The following FAM227A variants were observed in gnomAD, a reference collection of about 807,000 sequenced individuals.
The protein encoded by FAM227A is protein FAM227A.
FAM227A carries 80 observed loss-of-function variants against 74.7 expected under a neutral mutation model. That is an observed-to-expected ratio of 1.07 (90% CI 0.89 to 1.29). FAM227A has a LOEUF of 1.29. FAM227A is among the 50% of genes most tolerant of loss of function. The probability of loss-of-function intolerance (pLI) is 0.00; values close to 1 mark genes in which losing one functional copy is unlikely to be tolerated. For missense variants in FAM227A, 654 were observed against 683.4 expected, an observed-to-expected ratio of 0.96 and a Z score of 0.48; for synonymous variants, 237 against 241.8, an observed-to-expected ratio of 0.98 and a Z score of 0.19.
intron 10 of FAM227A, among the ~76,000 whole-genome samples, chr22:38,621,497 C>T (rs1470748950): frequency 2.0e-5 from 3 of 150,192 alleles, no homozygotes; most frequent in Admixed American, 1.3e-4. Flanking sequence ...GTGTCTATGT[C>T]GGGAGGCTGA....
chr22:38,612,045 G>T (rs894978393), intron 11 of FAM227A, among the ~76,000 whole-genome samples: 1 of 152,038 alleles, frequency 6.6e-6, no homozygotes, highest in South Asian at 2.1e-4. Flanking sequence ...CAACCCACTA[G>T]CAAGTGTTGA....
At chr22:38,589,089 T>A (rs1204242532) in intron 16 of FAM227A, among the ~76,000 whole-genome samples, 1 of 152,062 alleles carries the variant, frequency 6.6e-6, no homozygotes, top group East Asian at 1.9e-4. Context: ...AATGAAGACA[T>A]TAGGGTGGGC....
chr22:38,631,619 T>C (rs2091916880), intron 6 of FAM227A, among the ~76,000 whole-genome samples: 1 of 152,042 alleles, frequency 6.6e-6, no homozygotes, highest in Non-Finnish European at 1.5e-5. Context: ...GTGCAGAGGC[T>C]ATGGAAGCAC....
chr22:38,636,021 G>A (rs1292220741), intron 6 of FAM227A, among the ~76,000 whole-genome samples: 3 of 137,532 alleles, frequency 2.2e-5, no homozygotes, highest in Non-Finnish European at 3.2e-5. Flanking sequence ...AAGAAGGAAA[G>A]AAAGAAGAGA....
chr22:38,649,166 T>C (rs892712989), intron 2 of FAM227A, among the ~76,000 whole-genome samples: 2 of 152,212 alleles, frequency 1.3e-5, no homozygotes, highest in Non-Finnish European at 2.9e-5. Context: ...CCAGAGCTTC[T>C]TCCTTTGGGG....
chr22:38,602,875 T>C (rs2091205916), intron 13 of FAM227A, among the ~76,000 whole-genome samples: 1 of 152,022 alleles, frequency 6.6e-6, no homozygotes. Flanking sequence ...CTTTTTGTTG[T>C]TGTTGTTGTT....
chr22:38,630,519 C>T (rs2091896299), intron 6 of FAM227A, among the ~76,000 whole-genome samples: 1 of 152,176 alleles, frequency 6.6e-6, no homozygotes, highest in Non-Finnish European at 1.5e-5. Flanking sequence ...TGGTCATGGT[C>T]CCCGCCTCAA....
chr22:38,640,392 C>T (rs1295441601), intron 3 of FAM227A, among the ~76,000 whole-genome samples: 1 of 152,030 alleles, frequency 6.6e-6, no homozygotes, highest in African/African-American at 2.4e-5. Context: ...AAAACACTGG[C>T]AAAGAGGCTA....
intron 3 of FAM227A, among the ~76,000 whole-genome samples, chr22:38,643,779 A>G (rs1159174344): frequency 6.6e-6 from 1 of 152,190 alleles, no homozygotes; most frequent in Non-Finnish European, 1.5e-5. Context: ...CAAATAAACC[A>G]TGGTACGTTC....
intron 6 of FAM227A, among the ~76,000 whole-genome samples, chr22:38,632,617 C>T (rs2091935702): frequency 6.6e-6 from 1 of 152,096 alleles, no homozygotes; most frequent in South Asian, 2.1e-4. Context: ...GGTCCACCTG[C>T]CCCCTAGGGT....
chr22:38,598,599 C>T (rs2091101758), intron 14 of FAM227A, among the ~76,000 whole-genome samples: 1 of 152,244 alleles, frequency 6.6e-6, no homozygotes, highest in African/African-American at 2.4e-5. Context: ...GCAGAAGACG[C>T]AAAGTCCTCC....
chr22:38,611,877 C>T (rs1302574700), intron 11 of FAM227A, among the ~76,000 whole-genome samples: 1 of 152,186 alleles, frequency 6.6e-6, no homozygotes, highest in African/African-American at 2.4e-5. Context: ...TTAAAGTTAA[C>T]AAGTTCAAAG....
chr22:38,650,628 TAA>T (rs2092309612), intron 1 of FAM227A, among the ~76,000 whole-genome samples: 1 of 152,196 alleles, frequency 6.6e-6, no homozygotes. Flanking sequence ...GTCCCAACTC[TAA>T]AAGAGATTTG....
In FAM227A at chr22:38,579,778, T is replaced by C. The variant is rs2090690195; in HGVS notation, c.*6347A>G. The C allele has an allele frequency of 6.6e-6, 1 of 152,194 alleles. No homozygotes were observed. Among genetic ancestry groups the C allele is most frequent in the Admixed American group, 6.5e-5 (1 of 15,276 alleles). 9.4% of individuals were successfully genotyped at this position (152,194 alleles called of 1,614,324 possible). A position where few individuals can be genotyped will look rare whatever the true frequency, so the allele number is the denominator to read the frequency against. ...TAAAATGTGATAACTCTTTAAAAAA[T>C]ATAACCATAATGCTATTATCACGCC... On this transcript the variant is annotated 3_prime_UTR_variant, in exon 17 of 17. Transcript: ENST00000535113.
chr22:38,628,747 G>C, intron 7 of FAM227A, 87 bp downstream of exon 7: 2 of 830,106 alleles, frequency 2.4e-6, no homozygotes, highest in South Asian at 3.1e-5. Context: ...GATCAGAGGG[G>C]CTTGTAGCTC....
At chr22:38,646,412 A>G (rs556612967) in intron 2 of FAM227A, among the ~76,000 whole-genome samples, 17 of 140,504 alleles carry the variant, frequency 1.2e-4, no homozygotes, top group South Asian at 9.3e-4. Flanking sequence ...GGCGCCCGCC[A>G]CTACGCCCGG....
chr22:38,594,146 CT>C (rs768878134), intron 15 of FAM227A, among the ~76,000 whole-genome samples: 11 of 152,186 alleles, frequency 7.2e-5, no homozygotes, highest in Admixed American at 5.9e-4. Context: ...CGACTTTAGC[CT>C]TGTTGAGACT....
chr22:38,640,025 T>C (rs2092080764), intron 3 of FAM227A, among the ~76,000 whole-genome samples: 1 of 151,992 alleles, frequency 6.6e-6, no homozygotes, highest in Non-Finnish European at 1.5e-5. Flanking sequence ...TAATAATATC[T>C]ATCTTCCAGG....
rs1215350683 is a variant in FAM227A, at chr22:38,597,351, C to G, written c.1385G>C (p.Cys462Ser). The G allele has an allele frequency of 6.4e-7, 1 of 1,551,656 alleles. No homozygotes were observed. Among genetic ancestry groups the G allele is most frequent in the African/African-American group, 1.4e-5 (1 of 73,042 alleles). Residue 462 changes from cysteine to serine, a missense_variant, in exon 15 of 17, where the codon TGC becomes TCC. Cys to Ser is a moderately radical substitution (Grantham distance 112, BLOSUM62 -1). Coordinates refer to ENST00000535113, the MANE Select transcript of FAM227A (RefSeq NM_001013647.2). Reference protein sequence around the residue: ...RREKTTSTPDCTPTYTDVISE... With the variant: ...RREKTTSTPDSTPTYTDVISE... The stretch of plus-strand genomic sequence containing the variant: ...GATGACATCAGTATACGTTGGGGTG[C>G]AGTCAGTGGCTTCCGCTGTCAAGGA...
Sources: allele counts gnomAD v4.1 joint callset (sites outside exome capture counted in the v4.1 genomes callset), GRCh38; gene constraint gnomAD v4.1.1; transcripts MANE v1.5; gene names NCBI Gene and HGNC (gene_info 2026-07-23, HGNC 2026-07-21).